LRBA: variants seen among roughly 807,000 people sequenced by gnomAD.
The protein encoded by LRBA is lipopolysaccharide-responsive and beige-like anchor protein.
A neutral mutation model predicts 330.0 loss-of-function variants in LRBA; 176 were observed. That is an observed-to-expected ratio of 0.53 (90% CI 0.47 to 0.60). The LOEUF is 0.60. LRBA is among the 20% of genes least tolerant of loss of function. LRBA has a pLI of 0.00. For synonymous variants in LRBA, 1,230 were observed against 1,193.0 expected (o/e 1.03, Z -0.64); for missense variants, 3,259 against 3,444.8 (o/e 0.95, Z 1.35).
chr4:150,878,507 A>G (rs189804015), intron 17 of LRBA, among the ~76,000 whole-genome samples: 1 of 152,164 alleles, frequency 6.6e-6, no homozygotes, highest in African/African-American at 2.4e-5. Context: ...GAGCAGAACT[A>G]AACAAAACTG....
chr4:150,760,554 A>C (rs1734934249), intron 35 of LRBA, among the ~76,000 whole-genome samples: 1 of 147,936 alleles, frequency 6.8e-6, no homozygotes, highest in Admixed American at 6.8e-5. Flanking sequence ...ACACCTCTCC[A>C]ACACACACAC....
intron 47 of LRBA, among the ~76,000 whole-genome samples, chr4:150,395,243 T>A (rs965686263): frequency 1.3e-5 from 2 of 152,152 alleles, no homozygotes; most frequent in African/African-American, 4.8e-5. Flanking sequence ...TACTGTAACA[T>A]GTCTAAAACT....
At chr4:150,559,934 A>C (rs1227505446) in intron 40 of LRBA, among the ~76,000 whole-genome samples, 3 of 108,222 alleles carry the variant, frequency 2.8e-5, no homozygotes, top group Non-Finnish European at 5.2e-5. Flanking sequence ...ATAAATATAT[A>C]TATATCTATA....
At chr4:150,913,022 G>T (rs2149484869) in intron 9 of LRBA, among the ~76,000 whole-genome samples, 1 of 152,222 alleles carries the variant, frequency 6.6e-6, no homozygotes, top group South Asian at 2.1e-4. Flanking sequence ...TAAAAACTTG[G>T]TGGACTTTCC....
intron 40 of LRBA, among the ~76,000 whole-genome samples, chr4:150,578,534 G>C (rs1770825690): frequency 6.6e-6 from 1 of 152,106 alleles, no homozygotes; most frequent in Non-Finnish European, 1.5e-5. Context: ...AGTAAAAATA[G>C]GATGTAATGA....
At chr4:150,824,188 A>C (rs1225918159) in intron 30 of LRBA, among the ~76,000 whole-genome samples, 2 of 151,998 alleles carry the variant, frequency 1.3e-5, no homozygotes, top group East Asian at 3.9e-4. Context: ...AGCTATTGTA[A>C]ATTGGATTAC....
At chr4:150,899,902 C>T (rs919457236) in intron 14 of LRBA, 147 bp downstream of exon 14, 1 of 532,208 alleles carries the variant, frequency 1.9e-6, no homozygotes, top group South Asian at 3.5e-5. Context: ...AAACTATTAA[C>T]ATTATCAATG....
At chr4:150,827,255 G>C (rs1393446533) in intron 30 of LRBA, among the ~76,000 whole-genome samples, 1 of 152,150 alleles carries the variant, frequency 6.6e-6, no homozygotes, top group East Asian at 1.9e-4. Flanking sequence ...CTTCTTTTAT[G>C]ACATTCACCC....
intron 49 of LRBA, among the ~76,000 whole-genome samples, chr4:150,324,347 T>C (rs1206516791): frequency 1.3e-5 from 2 of 152,200 alleles, no homozygotes; most frequent in Non-Finnish European, 2.9e-5. Context: ...CTATCTTCCA[T>C]TGTTCTTGCT....
chr4:150,915,779 A>C, intron 7 of LRBA, 52 bp from the exon 8 acceptor site: 1 of 1,448,094 alleles, frequency 6.9e-7, no homozygotes, highest in Non-Finnish European at 9.3e-7. Context: ...TATCCCAATA[A>C]CGCAACCATA....
In LRBA at chr4:150,360,023, G is replaced by A. The variant is rs555678565; in HGVS notation, c.7195-9864C>T. On this transcript the variant is annotated intron_variant, in intron 47 of 56. Coordinates refer to ENST00000651943, the MANE Select transcript of LRBA (RefSeq NM_001364905.1). ...GAAAATATGCTCATGTTCAATAGTG[G>A]AATGCACAAGCCAAAAAAATTCTGT... is the stretch of plus-strand genomic sequence containing the variant. Among the ~76,000 whole-genome samples the A allele has an allele frequency of 3.3e-4, 50 of 151,938 alleles. No individual in the cohort carries two copies. In the South Asian group the frequency reaches 9.8e-3, roughly 30 times the overall value.
intron 44 of LRBA, among the ~76,000 whole-genome samples, chr4:150,451,093 T>C (rs938911686): frequency 5.3e-5 from 8 of 152,050 alleles, no homozygotes; most frequent in African/African-American, 1.7e-4. Context: ...AAAGAAAATA[T>C]AGACAAATCT....
chr4:150,273,106 G>A (rs543382182), intron 56 of LRBA, among the ~76,000 whole-genome samples: 9 of 152,286 alleles, frequency 5.9e-5, no homozygotes, highest in East Asian at 1.9e-4. Flanking sequence ...GACTAACAGC[G>A]GATCTCTCAG....
intron 30 of LRBA, among the ~76,000 whole-genome samples, chr4:150,826,821 G>A (rs926378343): frequency 1.3e-5 from 2 of 152,176 alleles, no homozygotes; most frequent in African/African-American, 4.8e-5. Context: ...CACTATGGAA[G>A]AGAACCCAAC....
At chr4:150,557,241 C>G (rs1267914459) in intron 40 of LRBA, among the ~76,000 whole-genome samples, 1 of 152,074 alleles carries the variant, frequency 6.6e-6, no homozygotes, top group Non-Finnish European at 1.5e-5. Context: ...GTAATTATGA[C>G]CACCAGTGAA....
intron 9 of LRBA, among the ~76,000 whole-genome samples, chr4:150,909,718 AT>A: frequency 6.6e-6 from 1 of 152,152 alleles, no homozygotes; most frequent in Middle Eastern, 3.4e-3. Flanking sequence ...TCTATTTTTA[AT>A]TTTTTGAGGA....
chr4:150,473,607 A>C (rs1561227408), intron 42 of LRBA, among the ~76,000 whole-genome samples: 1 of 152,166 alleles, frequency 6.6e-6, no homozygotes, highest in Non-Finnish European at 1.5e-5. Context: ...CTTGGATAGC[A>C]GGAGCTCTTG....
chr4:150,360,338 C>G (rs914282244), intron 47 of LRBA, among the ~76,000 whole-genome samples: 3 of 150,768 alleles, frequency 2.0e-5, no homozygotes, highest in African/African-American at 7.3e-5. Context: ...AAAAGTAAAA[C>G]TGTTTTAATG....
At chr4:150,989,410 C>T (rs968238555) in intron 2 of LRBA, among the ~76,000 whole-genome samples, 2 of 151,832 alleles carry the variant, frequency 1.3e-5, no homozygotes, top group Non-Finnish European at 2.9e-5. Context: ...GTCAGGTGTT[C>T]GAGACCAGCC....
Sources: allele counts gnomAD v4.1 joint callset (sites outside exome capture counted in the v4.1 genomes callset), GRCh38; gene constraint gnomAD v4.1.1; transcripts MANE v1.5; gene names NCBI Gene and HGNC (gene_info 2026-07-23, HGNC 2026-07-21).